Variants in PTPRD observed in about 807,000 individuals in gnomAD.
The protein encoded by PTPRD is protein tyrosine phosphatase receptor type D, also known as receptor-type tyrosine-protein phosphatase delta.
PTPRD carries 34 observed loss-of-function variants against 214.5 expected under a neutral mutation model. The ratio of observed to expected loss-of-function variants is 0.16; its 90% CI spans 0.12 to 0.21. The LOEUF is 0.21. Among genes scored for constraint, PTPRD ranks in the 10% least tolerant of loss-of-function variants. The probability of loss-of-function intolerance (pLI) is 1.00; values close to 1 mark genes in which losing one functional copy is unlikely to be tolerated. For synonymous variants in PTPRD, 1,128 were observed against 845.7 expected, an observed-to-expected ratio of 1.33 and a Z score of -5.79; for missense variants, 2,545 against 2,398.7, an observed-to-expected ratio of 1.06 and a Z score of -1.27.
chr9:10,138,321 T>C (rs756382255), intron 3 of PTPRD, among the ~76,000 whole-genome samples: 1 of 151,636 alleles, frequency 6.6e-6, no homozygotes, highest in East Asian at 1.9e-4. Flanking sequence ...ACACACAACC[T>C]CCCAAGATTG....
intron 5 of PTPRD, among the ~76,000 whole-genome samples, chr9:9,925,126 G>A (rs1031594028): frequency 3.9e-5 from 6 of 152,090 alleles, no homozygotes; most frequent in Non-Finnish European, 7.4e-5. Context: ...ATAGTAGGTT[G>A]TAGCAGTACA....
At chr9:9,747,067 G>A (rs2098465482) in intron 6 of PTPRD, among the ~76,000 whole-genome samples, 1 of 152,036 alleles carries the variant, frequency 6.6e-6, no homozygotes, top group Non-Finnish European at 1.5e-5. Context: ...AGAATACTGG[G>A]GTCATGCTCC....
intron 11 of PTPRD, among the ~76,000 whole-genome samples, chr9:8,901,544 G>C (rs2098668762): frequency 6.6e-6 from 1 of 152,128 alleles, no homozygotes; most frequent in Non-Finnish European, 1.5e-5. Flanking sequence ...AATGCAAAAT[G>C]CTCCATGAAG....
intron 10 of PTPRD, among the ~76,000 whole-genome samples, chr9:9,129,128 G>A (rs1038838434): frequency 2.0e-5 from 3 of 152,144 alleles, no homozygotes; most frequent in Admixed American, 6.5e-5. Context: ...AGTGGCTCAC[G>A]CCTGTAATCC....
At chr9:10,163,217 T>C (rs2099139760) in intron 3 of PTPRD, among the ~76,000 whole-genome samples, 1 of 151,358 alleles carries the variant, frequency 6.6e-6, no homozygotes, top group African/African-American at 2.4e-5. Flanking sequence ...ATCAAATATA[T>C]AAATTTCTCA....
intron 8 of PTPRD, among the ~76,000 whole-genome samples, chr9:9,484,813 G>A (rs1479945204): frequency 2.6e-5 from 4 of 152,060 alleles, no homozygotes; most frequent in Admixed American, 2.6e-4. Context: ...AAGCAATACT[G>A]CTTCTTCCTA....
intron 27 of PTPRD, 118 bp downstream of exon 27, chr9:8,492,744 A>C (rs2097177081): frequency 1.6e-6 from 1 of 611,408 alleles, no homozygotes; most frequent in South Asian, 4.5e-5. Flanking sequence ...ACAAAAGTTG[A>C]CCATAGTCCA....
At chr9:10,183,076 T>G (rs1564375737) in intron 3 of PTPRD, among the ~76,000 whole-genome samples, 1 of 152,166 alleles carries the variant, frequency 6.6e-6, no homozygotes, top group Admixed American at 6.5e-5. Flanking sequence ...ATAATGCTAT[T>G]TTCTTGTTAG....
intron 14 of PTPRD, among the ~76,000 whole-genome samples, chr9:8,578,164 C>T (rs143030697): frequency 1.6e-4 from 25 of 152,152 alleles, no homozygotes; most frequent in African/African-American, 5.1e-4. Flanking sequence ...CATGTCAAGA[C>T]GATAGCAGAT....
At chr9:10,503,807 G>C (rs1323328466) in intron 2 of PTPRD, among the ~76,000 whole-genome samples, 1 of 151,816 alleles carries the variant, frequency 6.6e-6, no homozygotes, top group Admixed American at 6.6e-5. Context: ...TAAGGAAAGA[G>C]ACTGTAATTT....
At chr9:9,280,179 T>A (rs1186033360) in intron 9 of PTPRD, among the ~76,000 whole-genome samples, 1 of 151,244 alleles carries the variant, frequency 6.6e-6, no homozygotes. Flanking sequence ...TGTCAATTAT[T>A]TCTACATGAA....
intron 5 of PTPRD, among the ~76,000 whole-genome samples, chr9:9,847,633 C>T (rs1323193480): frequency 1.3e-5 from 2 of 152,116 alleles, no homozygotes. Flanking sequence ...TACTCTCAAC[C>T]CATTATTCCA....
At chr9:8,459,195 G>A (rs1258872483) in intron 33 of PTPRD, among the ~76,000 whole-genome samples, 1 of 151,872 alleles carries the variant, frequency 6.6e-6, no homozygotes, top group Non-Finnish European at 1.5e-5. Context: ...GAGCTAGATG[G>A]GTAGGAAAAA....
chr9:8,902,144 C>T (rs1313321536), intron 11 of PTPRD, among the ~76,000 whole-genome samples: 1 of 142,954 alleles, frequency 7.0e-6, no homozygotes, highest in Non-Finnish European at 1.5e-5. Context: ...ATATTAATCT[C>T]ATTTAGGCTT....
intron 44 of PTPRD, among the ~76,000 whole-genome samples, chr9:8,328,431 T>C (rs1836253751): frequency 6.6e-6 from 1 of 152,196 alleles, no homozygotes; most frequent in Non-Finnish European, 1.5e-5. Flanking sequence ...CCGACATTTG[T>C]CTCTGGCTGC....
At chr9:9,537,221 T>C (rs2076707484) in intron 8 of PTPRD, among the ~76,000 whole-genome samples, 1 of 151,940 alleles carries the variant, frequency 6.6e-6, no homozygotes, top group South Asian at 2.1e-4. Flanking sequence ...GTGTATGATA[T>C]AAATAAGATT....
chr9:9,578,617 A>G (rs909501194), intron 7 of PTPRD, among the ~76,000 whole-genome samples: 2 of 152,136 alleles, frequency 1.3e-5, no homozygotes, highest in Non-Finnish European at 2.9e-5. Context: ...TGTTGGGTTT[A>G]GGAAAATAAT....
chr9:9,954,815 G>A (rs2093771416), intron 4 of PTPRD, among the ~76,000 whole-genome samples: 1 of 152,054 alleles, frequency 6.6e-6, no homozygotes, highest in African/African-American at 2.4e-5. Context: ...TACAATATAA[G>A]TAGAATTTTC....
chr9:8,380,653 G>T (rs537279124), intron 37 of PTPRD, among the ~76,000 whole-genome samples: 1 of 152,196 alleles, frequency 6.6e-6, no homozygotes, highest in East Asian at 1.9e-4. Flanking sequence ...TCAAAATCAA[G>T]TTGATGGAAT....
Sources: allele counts gnomAD v4.1 joint callset (sites outside exome capture counted in the v4.1 genomes callset), GRCh38; gene constraint gnomAD v4.1.1; transcripts MANE v1.5; gene names NCBI Gene and HGNC (gene_info 2026-07-23, HGNC 2026-07-21).